The following KRT80 variants were observed in gnomAD, a reference collection of about 807,000 sequenced individuals.
KRT80 encodes keratin, type II cytoskeletal 80.
A neutral mutation model predicts 51.5 loss-of-function variants in KRT80; 36 were observed. The ratio of observed to expected loss-of-function variants is 0.70; its 90% CI spans 0.54 to 0.92. KRT80 has a LOEUF of 0.92. Among genes scored for constraint, KRT80 ranks in the 40% least tolerant of loss-of-function variants. KRT80 has a pLI of 0.00. For synonymous variants in KRT80, 235 were observed against 248.3 expected, an observed-to-expected ratio of 0.95 and a Z score of 0.50; for missense variants, 566 against 591.7, an observed-to-expected ratio of 0.96 and a Z score of 0.45.
At chr12:52,179,992 G>A (rs1941292965) in intron 4 of KRT80, among the ~76,000 whole-genome samples, 1 of 152,208 alleles carries the variant, frequency 6.6e-6, no homozygotes, top group South Asian at 2.1e-4. Flanking sequence ...ATGCTGTTAT[G>A]GGCCCTTGTA....
Position 52,191,662 on chromosome 12 carries a change from T to C in KRT80, c.241A>G (p.Asn81Asp). 1 of 1,611,716 alleles carries C rather than the reference T, an allele frequency of 6.2e-7. No homozygotes were observed. The highest frequency in any genetic ancestry group is 1.3e-5 in the African/African-American group (1 of 74,988). ...GCCTTCATCTCCTCCTTCTCCTGGT[T>C]CTTCAGCTGCTGAACAGCGGGGTCC... is the stretch of plus-strand genomic sequence containing the variant. ...KLDPAVQQLK[N>D]QEKEEMKALN... Residue 81 changes from asparagine to aspartate, a missense_variant, in exon 1 of 9, where the codon AAC becomes GAC. By Grantham distance (23) the Asn-to-Asp change is conservative. Transcript: ENST00000394815.
At chr12:52,185,033 C>A (rs1197967279) in intron 2 of KRT80, among the ~76,000 whole-genome samples, 1 of 152,180 alleles carries the variant, frequency 6.6e-6, no homozygotes, top group Non-Finnish European at 1.5e-5. Flanking sequence ...AACATGTGGA[C>A]AAGAGCAAGT....
Position 52,191,794 on chromosome 12 carries a change from G to A in KRT80, c.109C>T (p.Pro37Ser), listed in dbSNP as rs773230922. ...CTGCGGGAGCTGAAGCCCGGCCCGG[G>A]GGCCCTGCAGCTGTCCCATCCTGAG... is the stretch of plus-strand genomic sequence containing the variant. ...GTSGWDSCRA[P>S]GPGFSSRSLT... Residue 37 changes from proline (P) to serine (S), a missense_variant, in exon 1 of 9, where the codon CCC becomes TCC. Coordinates refer to ENST00000394815, the MANE Select transcript of KRT80 (RefSeq NM_182507.3). 4 of 1,609,446 alleles carry A rather than the reference G, an allele frequency of 2.5e-6. No individual in the cohort carries two copies. The South Asian group carries it at 3.3e-5, about 13-fold the overall frequency.
At chr12:52,180,415 G>A in intron 4 of KRT80, 98 bp downstream of exon 4, 1 of 730,464 alleles carries the variant, frequency 1.4e-6, no homozygotes, top group East Asian at 3.0e-5. Flanking sequence ...ACTGTTGGAG[G>A]TTCCATGCCC....
intron 4 of KRT80, among the ~76,000 whole-genome samples, chr12:52,174,196 C>G (rs777603563): frequency 6.6e-6 from 1 of 152,240 alleles, no homozygotes; most frequent in Non-Finnish European, 1.5e-5. Context: ...CTCTGCCTCT[C>G]CCACTGGACG....
At chr12:52,180,654 TCCC>T (rs1230212920) in intron 3 of KRT80, 46 bp from the exon 4 acceptor site, 2 of 1,552,036 alleles carry the variant, frequency 1.3e-6, no homozygotes, top group Non-Finnish European at 1.7e-6. Context: ...GAATGGAGGG[TCCC>T]AGGGCAGGAG....
In KRT80 at chr12:52,191,738, G is replaced by A. The variant is rs773796309; in HGVS notation, c.165C>T (p.Ile55=). ...SLTGCWSAGT[I]SKVTVNPGLL... ...GGCCGGGGTTCACAGTCACCTTGGA[G>A]ATAGTGCCAGCCGACCAGCAGCCTG... Residue 55 remains isoleucine (I), a synonymous_variant, in exon 1 of 9, where the codon ATC becomes ATT. Transcript: ENST00000394815. 1.2e-6 allele frequency: 2 copies of A among 1,613,656 alleles called. No homozygotes were observed. Among genetic ancestry groups the A allele is most frequent in the East Asian group, 4.5e-5 (2 of 44,880 alleles).
intron 4 of KRT80, among the ~76,000 whole-genome samples, chr12:52,178,008 T>C (rs1787681980): frequency 6.6e-6 from 1 of 152,218 alleles, no homozygotes; most frequent in African/African-American, 2.4e-5. Flanking sequence ...GCAGTTCACA[T>C]TGTATTTCTA....
intron 2 of KRT80, among the ~76,000 whole-genome samples, chr12:52,182,799 A>G (rs1941345225): frequency 6.6e-6 from 1 of 151,968 alleles, no homozygotes; most frequent in African/African-American, 2.4e-5. Context: ...TTGACCCTGG[A>G]CCTCTAGGTG....
intron 2 of KRT80, among the ~76,000 whole-genome samples, 174 bp from the exon 3 acceptor site, chr12:52,181,137 TC>T (rs998582958): frequency 6.6e-6 from 1 of 151,864 alleles, no homozygotes; most frequent in Non-Finnish European, 1.5e-5. Context: ...CCTCTCTCTC[TC>T]CCCCCGACCT....
chr12:52,171,246 A>C lies in KRT80; in HGVS notation c.*152T>G. ...TGCTCCTCTCCCACCCTGGCAGCCC[A>C]CAAAACACAGTCAGTTTTGAACCCC... is the stretch of plus-strand genomic sequence containing the variant. On this transcript the variant is annotated 3_prime_UTR_variant, in exon 9 of 9. Transcript: ENST00000394815. 1.2e-6 allele frequency: 1 copy of C among 818,082 alleles called. No individual in the cohort carries two copies. The highest frequency in any genetic ancestry group is 1.8e-5 in the South Asian group (1 of 56,056). 50.7% of individuals were successfully genotyped at this position (818,082 alleles called of 1,614,324 possible). A position where few individuals can be genotyped will look rare whatever the true frequency, so the allele number is the denominator to read the frequency against.
chr12:52,171,735 G>A (rs754684161), intron 7 of KRT80, 22 bp from the exon 8 acceptor site: 9 of 1,353,586 alleles, frequency 6.6e-6, no homozygotes, highest in East Asian at 2.5e-5. Flanking sequence ...GGACGGGGGG[G>A]TGGGAGAGGG....
At chr12:52,173,000 C>T (rs1490594864) in intron 6 of KRT80, 38 bp downstream of exon 6, 1 of 1,588,028 alleles carries the variant, frequency 6.3e-7, no homozygotes. Context: ...TCTCCCTGCT[C>T]TCCTCCCCGC....
chr12:52,172,688 G>T (rs1941130919), intron 6 of KRT80, among the ~76,000 whole-genome samples: 1 of 152,196 alleles, frequency 6.6e-6, no homozygotes, highest in South Asian at 2.1e-4. Context: ...TGCCCTGAAG[G>T]TTTGTCCTGG....
chr12:52,172,812 C>T (rs1039045333), intron 6 of KRT80, among the ~76,000 whole-genome samples: 1 of 152,158 alleles, frequency 6.6e-6, no homozygotes, highest in Admixed American at 6.5e-5. Context: ...TCTAACGTTC[C>T]AGCAGCCTTG....
chr12:52,179,056 T>G lies in KRT80; in HGVS notation c.666+1457A>C, dbSNP rs543081603. Among the ~76,000 whole-genome samples the G allele has an allele frequency of 2.6e-5, 4 of 152,324 alleles. No homozygotes were observed. In the South Asian group the frequency reaches 8.3e-4, roughly 32 times the overall value. On this transcript the variant is annotated intron_variant, in intron 4 of 8. Coordinates refer to ENST00000394815, the MANE Select transcript of KRT80 (RefSeq NM_182507.3). Reference sequence around the variant, plus strand: ...ACAGCTGCAGGGCCTGCATCATGGCTTAGAGCTTGAGCTCTGAGCTTGCTG... The same window carrying G: ...ACAGCTGCAGGGCCTGCATCATGGCGTAGAGCTTGAGCTCTGAGCTTGCTG...
intron 1 of KRT80, among the ~76,000 whole-genome samples, chr12:52,187,558 C>T (rs1414706832): frequency 6.6e-6 from 1 of 152,124 alleles, no homozygotes; most frequent in African/African-American, 2.4e-5. Flanking sequence ...GACGACCCTT[C>T]GACATTCACA....
chr12:52,178,073 A>G (rs925713848), intron 4 of KRT80, among the ~76,000 whole-genome samples: 2 of 152,202 alleles, frequency 1.3e-5, no homozygotes, highest in African/African-American at 4.8e-5. Context: ...TTTGGCAAAG[A>G]GTCAGCATTG....
chr12:52,171,835 G>C, intron 7 of KRT80, 122 bp from the exon 8 acceptor site: 1 of 717,428 alleles, frequency 1.4e-6, no homozygotes, highest in East Asian at 2.7e-5. Flanking sequence ...TCCCAGCCCT[G>C]GGGTTGCCCT....
Sources: allele counts gnomAD v4.1 joint callset (sites outside exome capture counted in the v4.1 genomes callset), GRCh38; gene constraint gnomAD v4.1.1; transcripts MANE v1.5; gene names NCBI Gene and HGNC (gene_info 2026-07-23, HGNC 2026-07-21).